DSE: variants seen among roughly 807,000 people sequenced by gnomAD.
DSE encodes dermatan sulfate epimerase, also known as dermatan-sulfate epimerase.
A neutral mutation model predicts 84.4 loss-of-function variants in DSE; 36 were observed. The ratio of observed to expected loss-of-function variants is 0.43; its 90% CI spans 0.33 to 0.56. DSE has a LOEUF of 0.56. DSE is among the 20% of genes least tolerant of loss of function. The pLI is 0.06. For missense variants in DSE, 862 were observed against 1,169.6 expected, an observed-to-expected ratio of 0.74 and a Z score of 3.84; for synonymous variants, 410 against 430.1, an observed-to-expected ratio of 0.95 and a Z score of 0.58.
intron 2 of DSE, among the ~76,000 whole-genome samples, chr6:116,308,196 A>C (rs899999973): frequency 3.3e-5 from 5 of 152,204 alleles, no homozygotes; most frequent in African/African-American, 1.2e-4. Flanking sequence ...GCTTCCACTT[A>C]CTATTTATTC....
At chr6:116,425,023 A>T (rs1783337577) in intron 2 of DSE, among the ~76,000 whole-genome samples, 1 of 152,236 alleles carries the variant, frequency 6.6e-6, no homozygotes, top group East Asian at 1.9e-4. Context: ...GATCTGTAAC[A>T]AAGTTACAGG....
intron 2 of DSE, among the ~76,000 whole-genome samples, chr6:116,419,955 A>ATGT (rs1782963264): frequency 6.6e-6 from 1 of 150,828 alleles, no homozygotes; most frequent in Non-Finnish European, 1.5e-5. Context: ...AATACACTTT[A>ATGT]AAAAATATGT....
chr6:116,430,327 A>G (rs892239039), intron 3 of DSE, among the ~76,000 whole-genome samples: 1 of 152,374 alleles, frequency 6.6e-6, no homozygotes, highest in South Asian at 2.1e-4. Context: ...TACAAATTCT[A>G]TAAAATAATG....
rs1784318491 is a variant in DSE at position 116,438,604 on chromosome 6, G to T, written c.*1259G>T. 6.6e-6 allele frequency: 1 copy of T among 152,062 alleles called. No individual in the cohort carries two copies. The allele number at this position is 152,062 out of a possible 1,614,324, so 9.4% of individuals were successfully genotyped here. ...AGTTTCTACTTGAGCATAAGAAAATGATATACTTAAAAGGAACTTAATAAA... is the reference window on the plus strand; with the variant it reads ...AGTTTCTACTTGAGCATAAGAAAATTATATACTTAAAAGGAACTTAATAAA... On this transcript the variant is annotated 3_prime_UTR_variant, in exon 6 of 6. Transcript: ENST00000644252.
intron 2 of DSE, among the ~76,000 whole-genome samples, chr6:116,286,349 C>A (rs75084686): frequency 0.04 from 6,071 of 152,044 alleles, 184 homozygotes; most frequent in African/African-American, 0.08. Flanking sequence ...ACTTGATACA[C>A]AATTTTCTTC....
At chr6:116,293,474 G>A (rs1774432864) in intron 2 of DSE, among the ~76,000 whole-genome samples, 2 of 151,966 alleles carry the variant, frequency 1.3e-5, no homozygotes, top group African/African-American at 4.8e-5. Context: ...GTTTCACCAT[G>A]ATGGTTTGTT....
chr6:116,440,690 CAATT>C lies in DSE; in HGVS notation c.*3350_*3353del, dbSNP rs1283495845. ...ATACCTTTGAGAGTTAAAGGAGGAG[CAATT>C]AATTGTTATTCCAGGACAACAGATA... On this transcript the variant is annotated 3_prime_UTR_variant, in exon 6 of 6. Coordinates refer to ENST00000644252, the MANE Select transcript of DSE (RefSeq NM_013352.4). 6.6e-6 allele frequency: 1 copy of C among 152,110 alleles called. No homozygotes were observed. Among genetic ancestry groups the C allele is most frequent in the Non-Finnish European group, 1.5e-5 (1 of 68,024 alleles). The allele number at this position is 152,110 out of a possible 1,614,324, so 9.4% of individuals were successfully genotyped here. A position where few individuals can be genotyped will look rare whatever the true frequency, so the allele number is the denominator to read the frequency against.
chr6:116,396,633 AAAC>A (rs1781266264), intron 1 of DSE, among the ~76,000 whole-genome samples: 1 of 152,206 alleles, frequency 6.6e-6, no homozygotes, highest in South Asian at 2.1e-4. Flanking sequence ...ATCCTTCCCA[AAAC>A]AACATCTTAA....
At chr6:116,379,357 T>G (rs986387874) in intron 1 of DSE, among the ~76,000 whole-genome samples, 3 of 152,204 alleles carry the variant, frequency 2.0e-5, no homozygotes, top group African/African-American at 7.2e-5. Context: ...CAAAATTACC[T>G]TTCTCAAAAG....
At chr6:116,310,055 T>C (rs1321923723) in intron 2 of DSE, among the ~76,000 whole-genome samples, 2 of 152,242 alleles carry the variant, frequency 1.3e-5, no homozygotes, top group African/African-American at 4.8e-5. Context: ...GGCCAGGTTT[T>C]CTGCTAGGCA....
intron 1 of DSE, chr6:116,375,398 G>C: frequency 4.2e-6 from 1 of 236,798 alleles, no homozygotes; most frequent in Non-Finnish European, 6.9e-6. Flanking sequence ...TAGCTACTTG[G>C]GAGGCTGAGA....
At chr6:116,347,444 G>T (rs200972985) in intron 2 of DSE, among the ~76,000 whole-genome samples, 102 of 149,964 alleles carry the variant, frequency 6.8e-4, no homozygotes, top group African/African-American at 2.0e-3. Context: ...CCAAAACAGA[G>T]ATATAGACCA....
At chr6:116,302,325 A>G (rs1390983795) in intron 2 of DSE, among the ~76,000 whole-genome samples, 1 of 152,172 alleles carries the variant, frequency 6.6e-6, no homozygotes, top group African/African-American at 2.4e-5. Flanking sequence ...AATGATCGCC[A>G]TTCTAGCTGG....
At chr6:116,432,808 G>A (rs1477126829) in intron 4 of DSE, 3 of 153,690 alleles carry the variant, frequency 2.0e-5, no homozygotes, top group African/African-American at 7.2e-5. Flanking sequence ...ACTTCCAGCA[G>A]TACATACTGG....
chr6:116,380,354 C>G (rs1227170850), intron 1 of DSE, among the ~76,000 whole-genome samples: 3 of 151,918 alleles, frequency 2.0e-5, no homozygotes, highest in African/African-American at 7.3e-5. Flanking sequence ...AGAAGAATAA[C>G]TGAATATGAA....
chr6:116,281,771 A>G (rs1773557102), intron 2 of DSE, among the ~76,000 whole-genome samples: 1 of 152,178 alleles, frequency 6.6e-6, no homozygotes, highest in South Asian at 2.1e-4. Flanking sequence ...TGAGCAGAAA[A>G]CAGTTTCTCT....
exon 1 of DSE, chr6:116,254,282 C>A (rs905502456): frequency 6.1e-6 from 4 of 660,728 alleles, no homozygotes; most frequent in Non-Finnish European, 1.1e-5. Context: ...TGGATGTAGA[C>A]CAGACTCAAG....
At position 116,413,592 on chromosome 6, in the gene DSE, T is replaced by C. The variant is rs1782517665; in HGVS notation, c.417-12982T>C. Among the ~76,000 whole-genome samples the C allele has an allele frequency of 2.0e-5, 3 of 152,224 alleles. No homozygotes were observed. The South Asian group carries it at 6.2e-4, about 32-fold the overall frequency. The stretch of plus-strand genomic sequence containing the variant: ...ATGGAATAAACTGTGCAGAGCATTA[T>C]TTCCTACTGCACCCAGAGTAAAATC... On this transcript the variant is annotated intron_variant, in intron 2 of 5. Coordinates refer to ENST00000644252, the MANE Select transcript of DSE (RefSeq NM_013352.4).
At chr6:116,302,321 C>T (rs1775086596) in intron 2 of DSE, among the ~76,000 whole-genome samples, 3 of 152,134 alleles carry the variant, frequency 2.0e-5, no homozygotes, top group Admixed American at 2.0e-4. Context: ...TTTTAATGAT[C>T]GCCATTCTAG....
Sources: allele counts gnomAD v4.1 joint callset (sites outside exome capture counted in the v4.1 genomes callset), GRCh38; gene constraint gnomAD v4.1.1; transcripts MANE v1.5; gene names NCBI Gene and HGNC (gene_info 2026-07-23, HGNC 2026-07-21).